IFT43: variants seen among roughly 807,000 people sequenced by gnomAD.
IFT43 encodes the protein intraflagellar transport 43.
A neutral mutation model predicts 32.3 loss-of-function variants in IFT43; 33 were observed. The ratio of observed to expected loss-of-function variants is 1.02; its 90% CI spans 0.77 to 1.37. The LOEUF is 1.37. Ranked by LOEUF, IFT43 falls within the 40% of genes most tolerant of loss-of-function variation. The pLI is 0.00. For synonymous variants in IFT43, 93 were observed against 98.2 expected, an observed-to-expected ratio of 0.95 and a Z score of 0.31; for missense variants, 274 against 265.9, an observed-to-expected ratio of 1.03 and a Z score of -0.21.
In IFT43 at chr14:75,988,908, T is replaced by C. The variant is rs1566692856; in HGVS notation, c.78T>C (p.Ala26=). 1 of 1,613,900 alleles carries C rather than the reference T, an allele frequency of 6.2e-7. No individual in the cohort carries two copies. The highest frequency in any genetic ancestry group is 8.5e-7 in the Non-Finnish European group (1 of 1,180,002). Reference sequence around the variant, plus strand: ...AGAGGGCCAAGATGGGTCGCCGAGCTCAACAGGAGTCAGCGCAGGCCGAGA... The same window carrying C: ...AGAGGGCCAAGATGGGTCGCCGAGCCCAACAGGAGTCAGCGCAGGCCGAGA... ...ATSRAKMGRR[A]QQESAQAENH... The change falls in exon 2 of 9, where the codon GCT becomes GCC. Residue 26 remains alanine, a synonymous_variant. Transcript: ENST00000314067.
At chr14:76,067,650 G>A (rs2037248786) in intron 5 of IFT43, among the ~76,000 whole-genome samples, 1 of 152,026 alleles carries the variant, frequency 6.6e-6, no homozygotes, top group Admixed American at 6.6e-5. Flanking sequence ...GAGAGTGAGT[G>A]ACATCAGAGG....
At chr14:76,032,887 TTGAAGGTCAC>T (rs2139986808) in intron 3 of IFT43, among the ~76,000 whole-genome samples, 1 of 151,852 alleles carries the variant, frequency 6.6e-6, no homozygotes, top group East Asian at 1.9e-4. Context: ...GAGGGAGGAG[TTGAAGGTCAC>T]TGCAAGGAGC....
intron 3 of IFT43, among the ~76,000 whole-genome samples, chr14:76,035,308 C>T (rs1005725497): frequency 1.3e-5 from 2 of 152,212 alleles, no homozygotes; most frequent in Non-Finnish European, 2.9e-5. Flanking sequence ...TCACATAAAT[C>T]TCCATTGGCT....
chr14:76,068,692 T>C (rs2037268479), intron 5 of IFT43, among the ~76,000 whole-genome samples: 1 of 152,222 alleles, frequency 6.6e-6, no homozygotes, highest in Admixed American at 6.5e-5. Context: ...TTTAGACTTC[T>C]TCTGTCATGG....
chr14:76,029,804 C>G (rs1223585170), intron 3 of IFT43, among the ~76,000 whole-genome samples: 1 of 151,562 alleles, frequency 6.6e-6, no homozygotes, highest in Non-Finnish European at 1.5e-5. Flanking sequence ...ATATTCTGTT[C>G]TGTTCCATTG....
chr14:76,083,509 G>A lies in IFT43; in HGVS notation c.559G>A (p.Val187Ile), dbSNP rs1291371168. ...TCTGTTCACTGAGGTGTCCTCAGAG[G>A]TCCTCACTGAGTGGGACCCACTGCA... ...DHLFTEVSSE[V>I]LTEWDPLQTE... Residue 187 changes from valine (V) to isoleucine (I), a missense_variant, in exon 9 of 9, where the codon GTC becomes ATC. Transcript: ENST00000314067. The A allele has an allele frequency of 1.2e-6, 2 of 1,613,998 alleles. No homozygotes were observed. The highest frequency in any genetic ancestry group is 1.7e-6 in the Non-Finnish European group (2 of 1,179,978).
At chr14:76,039,911 A>G (rs1425697201) in intron 3 of IFT43, among the ~76,000 whole-genome samples, 2 of 152,152 alleles carry the variant, frequency 1.3e-5, no homozygotes, top group African/African-American at 4.8e-5. Flanking sequence ...ATCTCTAACA[A>G]TATTTCTTGC....
intron 5 of IFT43, among the ~76,000 whole-genome samples, chr14:76,061,465 A>G (rs1235538431): frequency 2.0e-5 from 3 of 152,192 alleles, no homozygotes; most frequent in Admixed American, 6.5e-5. Flanking sequence ...TTGTATGCCC[A>G]CACAATTGTC....
At chr14:76,043,559 C>T (rs918351867) in intron 3 of IFT43, among the ~76,000 whole-genome samples, 3 of 152,096 alleles carry the variant, frequency 2.0e-5, no homozygotes, top group Non-Finnish European at 2.9e-5. Context: ...CACTGCCTCC[C>T]GCACTTCTGA....
chr14:76,028,630 T>G (rs1459349142), intron 3 of IFT43, among the ~76,000 whole-genome samples: 2 of 151,704 alleles, frequency 1.3e-5, no homozygotes, highest in African/African-American at 4.8e-5. Flanking sequence ...CCTTTTGGAG[T>G]CCCCATTGTC....
At chr14:76,022,444 G>A (rs771865817) in intron 3 of IFT43, 50 bp downstream of exon 3, 6 of 1,086,496 alleles carry the variant, frequency 5.5e-6, no homozygotes, top group Non-Finnish European at 8.4e-6. Context: ...ACACGGTTGG[G>A]GGGACTTTGC....
intron 3 of IFT43, among the ~76,000 whole-genome samples, chr14:76,036,550 G>A (rs567479765): frequency 4.4e-4 from 66 of 151,438 alleles, no homozygotes; most frequent in Admixed American, 1.5e-3. Flanking sequence ...AACTACAGGC[G>A]CGCGCCACCA....
chr14:76,039,130 ATT>A (rs113103805), intron 3 of IFT43, among the ~76,000 whole-genome samples: 36 of 142,664 alleles, frequency 2.5e-4, no homozygotes, highest in East Asian at 8.1e-4. Flanking sequence ...GGTATGTTGC[ATT>A]TTTTTTTTTT....
At chr14:76,083,785 C>T, downstream of IFT43, 1 of 695,502 alleles carries the variant, frequency 1.4e-6, no homozygotes, top group Non-Finnish European at 2.6e-6. Context: ...AAATGTATCA[C>T]AAGTGAAGGA....
intron 2 of IFT43, among the ~76,000 whole-genome samples, chr14:75,997,941 A>G (rs1462799073): frequency 2.6e-5 from 4 of 152,158 alleles, no homozygotes; most frequent in African/African-American, 9.7e-5. Flanking sequence ...TACTCGTTGC[A>G]CTTAAGATAA....
At chr14:76,071,118 C>G (rs941460624) in intron 5 of IFT43, among the ~76,000 whole-genome samples, 6 of 152,260 alleles carry the variant, frequency 3.9e-5, no homozygotes, top group Non-Finnish European at 5.9e-5. Flanking sequence ...TGTAGGAACT[C>G]CACATCCATA....
chr14:76,037,219 A>T (rs2036616638), intron 3 of IFT43, among the ~76,000 whole-genome samples: 1 of 152,170 alleles, frequency 6.6e-6, no homozygotes, highest in Non-Finnish European at 1.5e-5. Flanking sequence ...CAGTTTTGGC[A>T]GGAATACTTT....
At chr14:75,999,423 T>G (rs2035841951) in intron 2 of IFT43, among the ~76,000 whole-genome samples, 1 of 150,128 alleles carries the variant, frequency 6.7e-6, no homozygotes, top group Non-Finnish European at 1.5e-5. Context: ...CCATCACACC[T>G]GGCACATTTA....
chr14:76,050,148 T>G (rs1485284440), intron 3 of IFT43, among the ~76,000 whole-genome samples: 3 of 152,192 alleles, frequency 2.0e-5, no homozygotes, highest in African/African-American at 7.2e-5. Context: ...AAGGCTTCCA[T>G]GAAGCCTCCC....
Sources: allele counts gnomAD v4.1 joint callset (sites outside exome capture counted in the v4.1 genomes callset), GRCh38; gene constraint gnomAD v4.1.1; transcripts MANE v1.5; gene names NCBI Gene and HGNC (gene_info 2026-07-23, HGNC 2026-07-21).